Variants in THSD4 observed in about 807,000 individuals in gnomAD.
THSD4 encodes thrombospondin type 1 domain containing 4, also known as thrombospondin type-1 domain-containing protein 4.
In THSD4, 69 loss-of-function variants were observed where a neutral mutation model predicts 119.0. That is an observed-to-expected ratio of 0.58 (90% CI 0.48 to 0.71). The LOEUF is 0.71. Ranked by LOEUF, THSD4 falls within the 30% of genes least tolerant of loss-of-function variation. The pLI is 0.00. For missense variants in THSD4, 1,393 were observed against 1,391.1 expected (o/e 1.00, Z -0.02); for synonymous variants, 524 against 540.4 (o/e 0.97, Z 0.42).
chr15:71,119,212 C>A (rs897223746), intron 1 of THSD4, among the ~76,000 whole-genome samples: 2 of 152,216 alleles, frequency 1.3e-5, no homozygotes, highest in Admixed American at 6.5e-5. Context: ...CTCTCTAAAT[C>A]TGGTGTTCTT....
intron 7 of THSD4, among the ~76,000 whole-genome samples, chr15:71,540,079 G>A (rs1279644490): frequency 6.6e-6 from 1 of 151,516 alleles, no homozygotes; most frequent in East Asian, 1.9e-4. Context: ...GAGGACTTGT[G>A]CATGGCTTCA....
At chr15:71,186,547 G>C (rs585705) in intron 3 of THSD4, 132,725 of 152,354 alleles carry the variant, frequency 0.87, 60,379 homozygotes, top group East Asian at 1. Flanking sequence ...ACAGCTGGGC[G>C]TCTCTGGGAA....
chr15:71,284,399 A>G (rs1481792598), intron 6 of THSD4, among the ~76,000 whole-genome samples: 1 of 152,196 alleles, frequency 6.6e-6, no homozygotes, highest in Admixed American at 6.5e-5. Flanking sequence ...GTGTTGGGGC[A>G]TTCCACACAG....
At chr15:71,477,299 TGCTAGTAAA>T (rs1413680222) in intron 7 of THSD4, among the ~76,000 whole-genome samples, 1 of 152,190 alleles carries the variant, frequency 6.6e-6, no homozygotes, top group African/African-American at 2.4e-5. Context: ...ATAAACAGAC[TGCTAGTAAA>T]GCTCCGAGCA....
intron 14 of THSD4, among the ~76,000 whole-genome samples, chr15:71,754,891 A>C (rs993097752): frequency 2.6e-5 from 4 of 152,232 alleles, no homozygotes; most frequent in African/African-American, 9.6e-5. Context: ...GTGATTAGAC[A>C]AAGGAAAGGG....
At chr15:71,248,721 G>GGGAAGATGTTGGC (rs146479548) in intron 5 of THSD4, among the ~76,000 whole-genome samples, 2,447 of 152,240 alleles carry the variant, frequency 0.016, 94 homozygotes, top group East Asian at 0.13. Context: ...TGCAAATAAG[G>GGGAAGATGTTGGC]GGAAGATGTT....
intron 10 of THSD4, among the ~76,000 whole-genome samples, chr15:71,734,502 G>T (rs955514453): frequency 6.6e-6 from 1 of 152,106 alleles, no homozygotes; most frequent in Non-Finnish European, 1.5e-5. Context: ...GAGGACAGAG[G>T]GATGAAAAGG....
At chr15:71,638,430 G>A (rs1339759459) in intron 7 of THSD4, among the ~76,000 whole-genome samples, 2 of 152,210 alleles carry the variant, frequency 1.3e-5, no homozygotes, top group African/African-American at 4.8e-5. Context: ...CAGCCCAGCA[G>A]CACTGAGTTA....
chr15:71,636,668 C>G (rs1213273382), intron 7 of THSD4, among the ~76,000 whole-genome samples: 1 of 152,060 alleles, frequency 6.6e-6, no homozygotes, highest in Non-Finnish European at 1.5e-5. Context: ...GTCTTGGGGA[C>G]CAACACAGAG....
At chr15:71,720,543 C>T (rs2052703268) in intron 8 of THSD4, among the ~76,000 whole-genome samples, 1 of 152,162 alleles carries the variant, frequency 6.6e-6, no homozygotes, top group Non-Finnish European at 1.5e-5. Flanking sequence ...TTACCACATT[C>T]ATAATAAAAC....
chr15:71,157,283 A>G (rs538861748), intron 3 of THSD4, among the ~76,000 whole-genome samples: 1 of 152,272 alleles, frequency 6.6e-6, no homozygotes. Flanking sequence ...AGAGATGGGG[A>G]AAAAAAGATT....
intron 6 of THSD4, among the ~76,000 whole-genome samples, chr15:71,331,310 A>G (rs1215809141): frequency 6.6e-6 from 1 of 152,200 alleles, no homozygotes; most frequent in African/African-American, 2.4e-5. Context: ...ATGTGGATAC[A>G]TGAATGCCTG....
chr15:71,653,703 C>A (rs937632816), intron 7 of THSD4, among the ~76,000 whole-genome samples: 2 of 152,194 alleles, frequency 1.3e-5, no homozygotes, highest in Non-Finnish European at 2.9e-5. Flanking sequence ...CTGCTCTTCT[C>A]ATTTTGCATA....
intron 7 of THSD4, among the ~76,000 whole-genome samples, chr15:71,651,369 C>T (rs1015540649): frequency 6.6e-6 from 1 of 152,180 alleles, no homozygotes; most frequent in African/African-American, 2.4e-5. Context: ...ATCTCCAGTC[C>T]ATTGCCCGTG....
chr15:71,154,974 G>T, intron 3 of THSD4, 42 bp downstream of exon 3: 1 of 1,599,400 alleles, frequency 6.3e-7, no homozygotes, highest in Non-Finnish European at 8.6e-7. Flanking sequence ...CTGCCCAAGG[G>T]GCTAGGGCCA....
At chr15:71,155,009 TTC>T in intron 3 of THSD4, 77 bp downstream of exon 3, 2 of 1,441,102 alleles carry the variant, frequency 1.4e-6, no homozygotes, top group Non-Finnish European at 1.9e-6. Context: ...CTGAACTTTG[TTC>T]TGTTTGAAGG....
intron 10 of THSD4, among the ~76,000 whole-genome samples, chr15:71,736,505 C>A (rs952753381): frequency 1.3e-5 from 2 of 151,572 alleles, no homozygotes; most frequent in Admixed American, 1.3e-4. Flanking sequence ...CTCTGTCTTG[C>A]TCTCTCTATC....
intron 7 of THSD4, among the ~76,000 whole-genome samples, chr15:71,533,787 C>T (rs1036394593): frequency 6.6e-6 from 1 of 152,148 alleles, no homozygotes; most frequent in Non-Finnish European, 1.5e-5. Flanking sequence ...AGAACTCAAC[C>T]TGCCATTGCT....
chr15:71,666,183 T>G (rs1287045308), intron 8 of THSD4, among the ~76,000 whole-genome samples: 1 of 152,066 alleles, frequency 6.6e-6, no homozygotes, highest in East Asian at 1.9e-4. Context: ...TTTCCTTGAG[T>G]GGTGTTTTGA....
Sources: gnomAD v4.1 joint callset for allele counts (sites outside exome capture counted in the v4.1 genomes callset) on GRCh38, gnomAD v4.1.1 for gene constraint, MANE v1.5 for transcripts, NCBI Gene and HGNC (gene_info 2026-07-23, HGNC 2026-07-21) for gene names.